CBY2: variants seen among roughly 807,000 people sequenced by gnomAD.
CBY2 encodes protein chibby homolog 2.
In CBY2, 23 loss-of-function variants were observed where a neutral mutation model predicts 25.3. The ratio of observed to expected loss-of-function variants is 0.91; its 90% CI spans 0.65 to 1.29. CBY2 has a LOEUF of 1.29. Ranked by LOEUF, CBY2 falls within the 50% of genes most tolerant of loss-of-function variation. CBY2 has a pLI of 0.00. For missense variants in CBY2, 642 were observed against 590.7 expected (o/e 1.09, Z -0.90); for synonymous variants, 279 against 260.2 (o/e 1.07, Z -0.70).
chr13:45,714,199 G>C lies in CBY2; in HGVS notation c.1174G>C (p.Gly392Arg). ...TLQVLRAEHR[G>R]FQEENKALWE... is the part of the protein sequence containing the mutation. Reference sequence around the variant, plus strand: ...GCAGGTGCTACGGGCAGAGCACAGGGGCTTCCAGGAGGAGAACAAGGCCCT... The same window carrying C: ...GCAGGTGCTACGGGCAGAGCACAGGCGCTTCCAGGAGGAGAACAAGGCCCT... Residue 392 changes from glycine to arginine, a missense_variant, in exon 3 of 3, where the codon GGC (glycine) becomes CGC (arginine). By Grantham distance (125) the Gly-to-Arg change is moderately radical. Transcript: ENST00000310521. 6.2e-7 allele frequency: 1 copy of C among 1,612,074 alleles called. No homozygotes were observed. Among genetic ancestry groups the C allele is most frequent in the Non-Finnish European group, 8.5e-7 (1 of 1,179,576 alleles).
In CBY2 at chr13:45,714,389, C is replaced by T. The variant is rs1030797156; in HGVS notation, c.*17C>T. ...AGGGTCTGAGGCCTCGGCCTTGCAC[C>T]GGGACGCCGAGTTTGGGACACCGAA... On this transcript the variant is annotated 3_prime_UTR_variant, in exon 3 of 3. Coordinates refer to ENST00000310521, the MANE Select transcript of CBY2 (RefSeq NM_152719.3). 8.4e-6 allele frequency: 13 copies of T among 1,553,142 alleles called. No homozygotes were observed. The highest frequency in any genetic ancestry group is 1.2e-5 in the South Asian group (1 of 83,016).
At position 45,713,622 on chromosome 13, in the gene CBY2, C is replaced by A; in HGVS notation, c.597C>A (p.Phe199Leu). 1 of 1,613,610 alleles carries A rather than the reference C, an allele frequency of 6.2e-7. No homozygotes were observed. The highest frequency in any genetic ancestry group is 1.1e-5 in the South Asian group (1 of 91,062). ...AGGAGAACAAGATCCTACAGGTCTT[C>A]TGGGAGGAGCACAAGGCCTCGCTGG... The part of the protein sequence containing the change: ...LSKENKILQV[F>L]WEEHKASLGR... The change falls in exon 3 of 3, where the codon TTC becomes TTA. Residue 199 changes from phenylalanine to leucine, a missense_variant. Phe to Leu is a conservative substitution (Grantham distance 22). Coordinates refer to ENST00000310521, the MANE Select transcript of CBY2 (RefSeq NM_152719.3). This position sits in a 1 kb window ranked among gnomAD's most constrained non-coding sequence, Gnocchi z 5.0.
At chr13:45,703,172 G>A in intron 2 of CBY2, 4 of 1,256,954 alleles carry the variant, frequency 3.2e-6, no homozygotes, top group Non-Finnish European at 4.0e-6. Flanking sequence ...GGTGCTTAGT[G>A]TTGTGCAATC....
intron 2 of CBY2, among the ~76,000 whole-genome samples, chr13:45,703,956 A>G (rs1825818212): frequency 6.6e-6 from 1 of 152,132 alleles, no homozygotes; most frequent in Admixed American, 6.5e-5. Context: ...GTGATTCCTC[A>G]TAGCCCATAT....
At position 45,708,426 on chromosome 13, in the gene CBY2, C is replaced by T. The variant is rs1049006233; in HGVS notation, c.157-4756C>T. On this transcript the variant is annotated intron_variant, in intron 2 of 2. Transcript: ENST00000310521. ...GATTCTTCAAATCAACTGGAAATTC[C>T]CTGAGGGCAGGGTCTGTGAGCTTGG... 4.6e-5 allele frequency among the ~76,000 whole-genome samples: 7 copies of T among 152,110 alleles called. No individual in the cohort carries two copies. The East Asian group carries it at 1.2e-3, about 25-fold the overall frequency.
rs138095521 is a variant in CBY2, at chr13:45,705,788, T to A, written c.156+2933T>A. On this transcript the variant is annotated intron_variant, in intron 2 of 2. Coordinates refer to ENST00000310521, the MANE Select transcript of CBY2 (RefSeq NM_152719.3). Reference sequence around the variant, plus strand: ...TGGCTTTTCCTTCCAGAATCCTGGGTCCTCTCAACTTCACATGCTTTAATA... The same window carrying A: ...TGGCTTTTCCTTCCAGAATCCTGGGACCTCTCAACTTCACATGCTTTAATA... Among the ~76,000 whole-genome samples the A allele has an allele frequency of 2.9e-3, 442 of 152,344 alleles. 5 individuals carry two copies. The highest frequency in any genetic ancestry group is 5.0e-3 in the Non-Finnish European group (341 of 68,032).
At chr13:45,709,720 G>A (rs769335821) in intron 2 of CBY2, among the ~76,000 whole-genome samples, 16 of 152,194 alleles carry the variant, frequency 1.1e-4, no homozygotes, top group Non-Finnish European at 1.9e-4. Flanking sequence ...TTGATACTTG[G>A]TGAAGCTGAG....
chr13:45,711,228 T>C (rs933421897), intron 2 of CBY2, among the ~76,000 whole-genome samples: 8 of 152,242 alleles, frequency 5.3e-5, no homozygotes, highest in Non-Finnish European at 1.0e-4. Context: ...CTACTCTTCT[T>C]GATAATAATA....
chr13:45,713,859 C>T lies in CBY2; in HGVS notation c.834C>T (p.Ala278=), dbSNP rs1950292720. ...AGGCAGAGGACACGGCCGCCCCTGC[C>T]GAGGAAAGCAAGCCCGCCCCCTCAC... ...WAQAEDTAAP[A]EESKPAPSPH... Residue 278 remains alanine (A), a synonymous_variant, in exon 3 of 3, where the codon GCC becomes GCT. Coordinates refer to ENST00000310521, the MANE Select transcript of CBY2 (RefSeq NM_152719.3). This position sits in a 1 kb window ranked among gnomAD's most constrained non-coding sequence, Gnocchi z 5.0. 7 of 1,516,950 alleles carry T rather than the reference C, an allele frequency of 4.6e-6. No homozygotes were observed. The highest frequency in any genetic ancestry group is 3.7e-4 in the Middle Eastern group (2 of 5,402). 94.0% of individuals were successfully genotyped at this position (1,516,950 alleles called of 1,614,324 possible).
At chr13:45,705,126 C>G (rs1471555924) in intron 2 of CBY2, among the ~76,000 whole-genome samples, 1 of 152,182 alleles carries the variant, frequency 6.6e-6, no homozygotes, top group Non-Finnish European at 1.5e-5. Flanking sequence ...AAGGTCTTTT[C>G]AGGACTCATT....
chr13:45,710,334 C>T (rs111792779), intron 2 of CBY2, among the ~76,000 whole-genome samples: 25 of 152,222 alleles, frequency 1.6e-4, no homozygotes, highest in African/African-American at 3.1e-4. Context: ...ACCATCCTGG[C>T]CAACATGATG....
At chr13:45,703,028 C>T in intron 2 of CBY2, 173 bp downstream of exon 2, 2 of 1,192,042 alleles carry the variant, frequency 1.7e-6, no homozygotes, top group Non-Finnish European at 2.2e-6. Context: ...CCACATAGCC[C>T]CTCTGGGCCT....
rs79204433 is a variant in CBY2 at position 45,711,756 on chromosome 13, T to C, written c.157-1426T>C. Among the ~76,000 whole-genome samples the C allele has an allele frequency of 7.1e-3, 1,075 of 152,252 alleles. 48 individuals are homozygous for C. In the East Asian group the frequency reaches 0.16, roughly 23 times the overall value. On this transcript the variant is annotated intron_variant, in intron 2 of 2. Coordinates refer to ENST00000310521, the MANE Select transcript of CBY2 (RefSeq NM_152719.3). ...GGGATGTGTGAAAGCTACCAGCTCA[T>C]TGGAGTTAAGCTCTGTGGATCTGAG...
At position 45,702,764 on chromosome 13, in the gene CBY2, C is replaced by T. The variant is rs374949445; in HGVS notation, c.76-11C>T. 5.5e-5 allele frequency: 89 copies of T among 1,609,982 alleles called. No individual in the cohort carries two copies. Among genetic ancestry groups the T allele is most frequent in the Admixed American group, 8.3e-5 (5 of 59,950 alleles). On this transcript the variant is annotated splice_polypyrimidine_tract_variant and intron_variant, in intron 1 of 2. Transcript: ENST00000310521. ...GGAAGCAGTAATCTTCTTCTTTTCT[C>T]GTTTCCACAGCACTCAAGGCCAAAT... is the stretch of plus-strand genomic sequence containing the variant.
chr13:45,714,300 A>G lies in CBY2; in HGVS notation c.1275A>G (p.Glu425=), dbSNP rs2137515245. 1 of 1,613,198 alleles carries G rather than the reference A, an allele frequency of 6.2e-7. No individual in the cohort carries two copies. Among genetic ancestry groups the G allele is most frequent in the Non-Finnish European group, 8.5e-7 (1 of 1,179,864 alleles). The part of the protein sequence containing the change: ...DTVTEVTARM[E]MLIEELYAFM... ...TGACCGAGGTCACCGCGCGCATGGA[A>G]ATGCTCATCGAGGAGCTCTACGCCT... Residue 425 remains glutamate, a synonymous_variant, in exon 3 of 3, where the codon GAA becomes GAG. Coordinates refer to ENST00000310521, the MANE Select transcript of CBY2 (RefSeq NM_152719.3).
chr13:45,707,073 A>G (rs1950243660), intron 2 of CBY2, among the ~76,000 whole-genome samples: 1 of 152,164 alleles, frequency 6.6e-6, no homozygotes, highest in Non-Finnish European at 1.5e-5. Flanking sequence ...AGCCATGTTT[A>G]GGCTTATTTT....
At chr13:45,709,944 G>A (rs1328564849) in intron 2 of CBY2, among the ~76,000 whole-genome samples, 2 of 152,166 alleles carry the variant, frequency 1.3e-5, no homozygotes, top group African/African-American at 4.8e-5. Flanking sequence ...GCTAGTGCTG[G>A]TTATTTAACA....
In CBY2 at chr13:45,713,846, C is replaced by T. The variant is rs376382255; in HGVS notation, c.821C>T (p.Thr274Met). 3 of 1,519,442 alleles carry T rather than the reference C, an allele frequency of 2.0e-6. No individual in the cohort carries two copies. Among genetic ancestry groups the T allele is most frequent in the African/African-American group, 2.8e-5 (2 of 72,408 alleles). The allele number at this position is 1,519,442 out of a possible 1,614,324, so 94.1% of individuals were successfully genotyped here. ...GCCTACTGGGCGCAGGCAGAGGACA[C>T]GGCCGCCCCTGCCGAGGAAAGCAAG... ...KQAYWAQAEDTAAPAEESKPA... is the reference protein window; with the variant it reads ...KQAYWAQAEDMAAPAEESKPA... The change falls in exon 3 of 3, where the codon ACG becomes ATG. Residue 274 changes from threonine to methionine, a missense_variant. Physicochemically the swap from Thr to Met is moderately conservative, Grantham distance 81. Transcript: ENST00000310521. This position sits in a 1 kb window ranked among gnomAD's most constrained non-coding sequence, Gnocchi z 5.0.
At position 45,702,817 on chromosome 13, in the gene CBY2, GA is replaced by G. The variant is rs1317311427; in HGVS notation, c.121del (p.Ser41AlafsTer2). The G allele has an allele frequency of 6.2e-7, 1 of 1,614,002 alleles. No individual in the cohort carries two copies. ...TACAAGAAAAAGAGATACCAGATCT[GA>G]AAGCCTAGAAATTCCAATCAGTGTG... ...NYTRKRDTRS[E>X]SLEIPISVVL... On this transcript the variant is annotated frameshift_variant, in exon 2 of 3. Coordinates refer to ENST00000310521, the MANE Select transcript of CBY2 (RefSeq NM_152719.3). LOFTEE classifies it high-confidence loss of function.
Sources: allele counts gnomAD v4.1 joint callset (sites outside exome capture counted in the v4.1 genomes callset), GRCh38; gene constraint gnomAD v4.1.1; non-coding constraint Gnocchi (gnomAD v3.1); transcripts MANE v1.5; gene names NCBI Gene and HGNC (gene_info 2026-07-23, HGNC 2026-07-21).